The following MDGA1 variants were observed in gnomAD, a reference collection of about 807,000 sequenced individuals.
The protein encoded by MDGA1 is MAM domain containing glycosylphosphatidylinositol anchor 1, also known as MAM domain-containing glycosylphosphatidylinositol anchor protein 1.
Under a neutral mutation model 101.5 loss-of-function variants are expected in MDGA1, and 54 were observed. That is an observed-to-expected ratio of 0.53 (90% CI 0.43 to 0.67). The LOEUF is 0.67. MDGA1 is among the 30% of genes least tolerant of loss of function. MDGA1 has a pLI of 0.00. For synonymous variants in MDGA1, 533 were observed against 558.3 expected (o/e 0.95, Z 0.64); for missense variants, 1,083 against 1,323.8 (o/e 0.82, Z 2.82).
In MDGA1 at chr6:37,646,369, G is replaced by T; in HGVS notation, c.2053C>A (p.Gln685Lys). 2 of 1,514,972 alleles carry T rather than the reference G, an allele frequency of 1.3e-6. No individual in the cohort carries two copies. Among genetic ancestry groups the T allele is most frequent in the East Asian group, 2.4e-5 (1 of 42,484 alleles). The allele number at this position is 1,514,972 out of a possible 1,614,324, so 93.8% of individuals were successfully genotyped here. A position where few individuals can be genotyped will look rare whatever the true frequency, so the allele number is the denominator to read the frequency against. The change falls in exon 11 of 17, where the codon CAG becomes AAG. Residue 685 changes from glutamine to lysine, a missense_variant. By Grantham distance (53) the Gln-to-Lys change is moderately conservative. Coordinates refer to ENST00000434837, the MANE Select transcript of MDGA1 (RefSeq NM_153487.4). Reference sequence around the variant, plus strand: ...ATGGCCTTGACCACCGCATTGTGCTGGTTCAACTGTTAAGTACAGAGAGTT... The same window carrying T: ...ATGGCCTTGACCACCGCATTGTGCTTGTTCAACTGTTAAGTACAGAGAGTT... ...NYRLSIRQLN[Q>K]HNAVVKAIPV... is the part of the protein sequence containing the mutation.
intron 1 of MDGA1, among the ~76,000 whole-genome samples, chr6:37,666,513 G>A (rs1761757767): frequency 6.6e-6 from 1 of 152,220 alleles, no homozygotes; most frequent in Non-Finnish European, 1.5e-5. Context: ...TCCCATCAGT[G>A]ACAGGCGCCT....
chr6:37,631,588 TGTA>T lies in MDGA1; in HGVS notation c.*5777_*5779del, dbSNP rs1763824294. On this transcript the variant is annotated 3_prime_UTR_variant, in exon 17 of 17. Coordinates refer to ENST00000434837, the MANE Select transcript of MDGA1 (RefSeq NM_153487.4). ...ACTTCCTGTCATTTGCCTGATATGA[TGTA>T]GTCCATATCATGACATCCACACCCT... 6.6e-6 allele frequency: 1 copy of T among 152,208 alleles called. No individual in the cohort carries two copies. The allele number at this position is 152,208 out of a possible 1,614,324, so 9.4% of individuals were successfully genotyped here. A position where few individuals can be genotyped will look rare whatever the true frequency, so the allele number is the denominator to read the frequency against.
chr6:37,649,881 G>A (rs117370647), intron 8 of MDGA1: 39,780 of 686,372 alleles, frequency 0.058, 1,511 homozygotes, highest in East Asian at 0.15. Context: ...TTTTTTTTTT[G>A]TTCACCGGGT....
At chr6:37,693,837 C>T (rs1450527360) in intron 1 of MDGA1, among the ~76,000 whole-genome samples, 2 of 152,214 alleles carry the variant, frequency 1.3e-5, no homozygotes, top group Non-Finnish European at 2.9e-5. Flanking sequence ...TCTGGTCCAG[C>T]ACTTGGCCGT....
Position 37,637,251 on chromosome 6 carries a change from C to T in MDGA1, c.*117G>A. The T allele has an allele frequency of 1.3e-6, 1 of 745,316 alleles. No homozygotes were observed. The highest frequency in any genetic ancestry group is 2.7e-5 in the East Asian group (1 of 37,590). 46.2% of individuals were successfully genotyped at this position (745,316 alleles called of 1,614,324 possible). On this transcript the variant is annotated 3_prime_UTR_variant, in exon 17 of 17. Coordinates refer to ENST00000434837, the MANE Select transcript of MDGA1 (RefSeq NM_153487.4). ...TCCTTGCAGCCAATGCAGGCCCCCT[C>T]CCTGGCGGGCCGGCCCTGCCCCTGG... is the stretch of plus-strand genomic sequence containing the variant.
Position 37,645,959 on chromosome 6 carries a change from G to A in MDGA1, c.2225-3C>T, listed in dbSNP as rs760893713. 2.5e-6 allele frequency: 4 copies of A among 1,613,906 alleles called. No individual in the cohort carries two copies. The Admixed American group carries it at 5.0e-5, about 20-fold the overall frequency. ...TGAAAGGTTCGGAGAGTTGATGGCTGAGAAAGCAAGCGGGGAAACCAAGTC... is the reference window on the plus strand; with the variant it reads ...TGAAAGGTTCGGAGAGTTGATGGCTAAGAAAGCAAGCGGGGAAACCAAGTC... On this transcript the variant is annotated splice_region_variant and splice_polypyrimidine_tract_variant and intron_variant, in intron 11 of 16. Transcript: ENST00000434837.
chr6:37,677,602 A>G (rs1467106875), intron 1 of MDGA1, among the ~76,000 whole-genome samples: 5 of 152,244 alleles, frequency 3.3e-5, no homozygotes, highest in Non-Finnish European at 2.9e-5. Context: ...GTTTACTGCT[A>G]TGTAAAAATA....
rs760185977 is a variant in MDGA1, at chr6:37,646,335, C to T, written c.2087G>A (p.Arg696Gln). 23 of 1,579,634 alleles carry T rather than the reference C, an allele frequency of 1.5e-5. No homozygotes were observed. The highest frequency in any genetic ancestry group is 1.7e-4 in the Middle Eastern group (1 of 5,994). Reference protein sequence around the residue: ...HNAVVKAIPVRRVEKGQLLEY... With the variant: ...HNAVVKAIPVQRVEKGQLLEY... ...CAGCAGCTGCCCCTTCTCCACACGC[C>T]GGACCGGGATGGCCTTGACCACCGC... The change falls in exon 11 of 17, where the codon CGG (arginine) becomes CAG (glutamine). Residue 696 changes from arginine to glutamine, a missense_variant. Transcript: ENST00000434837.
At chr6:37,648,946 G>A in intron 9 of MDGA1, 36 bp downstream of exon 9, 1 of 1,539,864 alleles carries the variant, frequency 6.5e-7, no homozygotes, top group African/African-American at 1.4e-5. Context: ...CCCCTGGTGG[G>A]CGTGGTAGGT....
intron 1 of MDGA1, among the ~76,000 whole-genome samples, chr6:37,684,043 G>A (rs1226666812): frequency 2.6e-5 from 4 of 152,146 alleles, no homozygotes; most frequent in African/African-American, 9.7e-5. Context: ...CCACTCCCCT[G>A]GAAACTTCCT....
At chr6:37,686,720 C>G (rs1265658943) in intron 1 of MDGA1, among the ~76,000 whole-genome samples, 1 of 152,204 alleles carries the variant, frequency 6.6e-6, no homozygotes, top group Non-Finnish European at 1.5e-5. Context: ...AGTCACTGAG[C>G]CTAGCCAGCA....
intron 1 of MDGA1, among the ~76,000 whole-genome samples, chr6:37,690,315 T>C (rs1301030685): frequency 1.3e-5 from 2 of 152,132 alleles, no homozygotes; most frequent in African/African-American, 2.4e-5. Flanking sequence ...TCAACCCAGC[T>C]CCCTGTTTGA....
chr6:37,688,745 T>G (rs1762249595), intron 1 of MDGA1, among the ~76,000 whole-genome samples: 1 of 152,188 alleles, frequency 6.6e-6, no homozygotes, highest in Non-Finnish European at 1.5e-5. Context: ...GTGCTATCAC[T>G]CCTGGGCTTC....
At position 37,644,455 on chromosome 6, in the gene MDGA1, C is replaced by G. The variant is rs554658775; in HGVS notation, c.2401+42G>C. On this transcript the variant is annotated intron_variant, in intron 13 of 16. Coordinates refer to ENST00000434837, the MANE Select transcript of MDGA1 (RefSeq NM_153487.4). ...GGGTGCCCTGGGCCTAGACACCCCCCTGAAGCAATCCTCCATTTCTGGCAG... is the reference window on the plus strand; with the variant it reads ...GGGTGCCCTGGGCCTAGACACCCCCGTGAAGCAATCCTCCATTTCTGGCAG... The G allele has an allele frequency of 9.3e-6, 14 of 1,500,496 alleles. No individual in the cohort carries two copies. In the East Asian group the frequency reaches 2.0e-4, roughly 22 times the overall value. The allele number at this position is 1,500,496 out of a possible 1,614,324, so 92.9% of individuals were successfully genotyped here. A position where few individuals can be genotyped will look rare whatever the true frequency, so the allele number is the denominator to read the frequency against.
At chr6:37,669,780 G>A (rs543060454) in intron 1 of MDGA1, among the ~76,000 whole-genome samples, 2 of 152,260 alleles carry the variant, frequency 1.3e-5, no homozygotes, top group South Asian at 2.1e-4. Context: ...TCAATCTGTC[G>A]AACAATAAAT....
In MDGA1 at chr6:37,696,181, C is replaced by T. The variant is rs557482385; in HGVS notation, c.67+564G>A. ...AGGAAGAACTGGTTCAGGGAAGGTC[C>T]GAAAAGGGATGCCGGGGTCGAAGGC... On this transcript the variant is annotated intron_variant, in intron 1 of 16. Transcript: ENST00000434837. This position sits in a 1 kb window ranked among gnomAD's most constrained non-coding sequence, Gnocchi z 5.6. Among the ~76,000 whole-genome samples, 35 of 152,174 alleles carry T rather than the reference C, an allele frequency of 2.3e-4. No homozygotes were observed. The highest frequency in any genetic ancestry group is 8.2e-4 in the African/African-American group (34 of 41,494).
chr6:37,687,003 C>G (rs1762210863), intron 1 of MDGA1, among the ~76,000 whole-genome samples: 1 of 152,178 alleles, frequency 6.6e-6, no homozygotes, highest in South Asian at 2.1e-4. Flanking sequence ...AGAAACCTCA[C>G]ATTTGGGGAA....
At position 37,658,405 on chromosome 6, in the gene MDGA1, C is replaced by T. The variant is rs1393926594; in HGVS notation, c.222G>A (p.Lys74=). ...GHPRPQVRWT[K]TAGSASDKFQ... ...ACTTGTCCGAGGCGCTACCTGCCGT[C>T]TTGGTCCACCGTACCTGGGCCGCCA... The change falls in exon 3 of 17, where the codon AAG becomes AAA. Residue 74 remains lysine, a synonymous_variant. Transcript: ENST00000434837. 6.2e-7 allele frequency: 1 copy of T among 1,609,360 alleles called. No homozygotes were observed.
chr6:37,650,346 G>C lies in MDGA1; in HGVS notation c.1372C>G (p.Pro458Ala), dbSNP rs1761331068. 4.4e-6 allele frequency: 7 copies of C among 1,578,300 alleles called. No individual in the cohort carries two copies. Among genetic ancestry groups the C allele is most frequent in the Non-Finnish European group, 4.3e-6 (5 of 1,164,566 alleles). Residue 458 changes from proline to alanine, a missense_variant, in exon 8 of 17, where the codon CCT becomes GCT. Around this residue, in one of 3 missense-constraint regions of MDGA1, gnomAD observed 657 missense variants for 771.4 expected, o/e 0.85. Coordinates refer to ENST00000434837, the MANE Select transcript of MDGA1 (RefSeq NM_153487.4). ...CGCACCTCGCATTGCAGCTCGGCAG[G>C]CGATCCCTCGCGCACGGTCACCACG... ...RAVVTVREGS[P>A]AELQCEVRGK...
Sources: allele counts gnomAD v4.1 joint callset (sites outside exome capture counted in the v4.1 genomes callset), GRCh38; gene constraint gnomAD v4.1.1; regional missense constraint gnomAD v4.1.1; non-coding constraint Gnocchi (gnomAD v3.1); transcripts MANE v1.5; gene names NCBI Gene and HGNC (gene_info 2026-07-23, HGNC 2026-07-21).